Variants in SAMD12 observed in about 807,000 individuals in gnomAD.
SAMD12 encodes the protein sterile alpha motif domain containing 12.
A neutral mutation model predicts 15.0 loss-of-function variants in SAMD12; 9 were observed. The ratio of observed to expected loss-of-function variants is 0.60; its 90% CI spans 0.36 to 1.05. SAMD12 has a LOEUF of 1.05. SAMD12 is among the 50% of genes least tolerant of loss of function. SAMD12 has a pLI of 0.01. For missense variants in SAMD12, 230 were observed against 234.2 expected (o/e 0.98, Z 0.12); for synonymous variants, 86 against 90.1 (o/e 0.96, Z 0.25).
intron 4 of SAMD12, chr8:118,295,600 A>T (rs1303573497): frequency 6.6e-6 from 1 of 152,034 alleles, no homozygotes; most frequent in East Asian, 1.9e-4. Context: ...ATCCTAGCAC[A>T]CAGAAGACTG....
rs113951104 is a variant in SAMD12, at chr8:118,530,606, T to C, written c.192+50109A>G. On this transcript the variant is annotated intron_variant, in intron 2 of 3. Transcript: ENST00000314727. ...CTATAAGCTCTGTATATTAGTTCTTTGTCATATGCATACTTTGCAAGTATT... is the reference window on the plus strand; with the variant it reads ...CTATAAGCTCTGTATATTAGTTCTTCGTCATATGCATACTTTGCAAGTATT... 8.7e-4 allele frequency among the ~76,000 whole-genome samples: 133 copies of C among 152,354 alleles called. 2 individuals carry two copies. Among genetic ancestry groups the C allele is most frequent in the Middle Eastern group, 6.8e-3 (2 of 294 alleles).
intron 4 of SAMD12, among the ~76,000 whole-genome samples, chr8:118,359,547 T>C (rs1818390255): frequency 6.6e-6 from 1 of 152,194 alleles, no homozygotes; most frequent in African/African-American, 2.4e-5. Context: ...TCCCAATGTA[T>C]GCAGTTATAG....
chr8:118,342,759 C>A (rs1817437181), intron 4 of SAMD12, among the ~76,000 whole-genome samples: 1 of 152,104 alleles, frequency 6.6e-6, no homozygotes, highest in Non-Finnish European at 1.5e-5. Flanking sequence ...GTCCCAAGAA[C>A]CTTCATTTTC....
rs568997592 is a variant in SAMD12 at position 118,331,406 on chromosome 8, T to C, written c.433+48154A>G. On this transcript the variant is annotated intron_variant, in intron 4 of 4. Transcript: ENST00000409003. ...TACTGAAAATAGAAAAACACTTGGA[T>C]CTACTGAATATTAACTCTAAGAAGA... Among the ~76,000 whole-genome samples, 56 of 152,302 alleles carry C rather than the reference T, an allele frequency of 3.7e-4. No individual in the cohort carries two copies. In the South Asian group the frequency reaches 8.9e-3, roughly 24 times the overall value.
intron 2 of SAMD12, among the ~76,000 whole-genome samples, chr8:118,478,004 A>AC (rs1824010295): frequency 8.6e-6 from 1 of 116,852 alleles, no homozygotes; most frequent in African/African-American, 3.2e-5. Context: ...ACAGAGCGAG[A>AC]CCCTGTCTCA....
At chr8:118,597,498 C>T (rs1827753007) in intron 1 of SAMD12, among the ~76,000 whole-genome samples, 1 of 152,192 alleles carries the variant, frequency 6.6e-6, no homozygotes, top group East Asian at 1.9e-4. Context: ...ATTTCAGAGA[C>T]AGGATGAGAG....
chr8:118,546,372 A>G (rs1826123621), intron 2 of SAMD12, among the ~76,000 whole-genome samples: 1 of 152,102 alleles, frequency 6.6e-6, no homozygotes, highest in Non-Finnish European at 1.5e-5. Context: ...CACTGAATCC[A>G]ACATTTTTTC....
At chr8:118,521,311 A>G (rs1164939287) in intron 2 of SAMD12, among the ~76,000 whole-genome samples, 2 of 152,068 alleles carry the variant, frequency 1.3e-5, no homozygotes, top group African/African-American at 4.8e-5. Context: ...TGCCATGTCT[A>G]TTTCCTTCAT....
chr8:118,403,068 T>C lies in SAMD12; in HGVS notation c.323-23368A>G, dbSNP rs75966892. ...ACAGCCTGCACTGTGAATTGGGTAC[T>C]AAGCTTCTCTCGTGATTTATCACAT... is the stretch of plus-strand genomic sequence containing the variant. On this transcript the variant is annotated intron_variant, in intron 3 of 3. Coordinates refer to ENST00000314727, the MANE Select transcript of SAMD12 (RefSeq NM_207506.3). Among the ~76,000 whole-genome samples, 282 of 152,334 alleles carry C rather than the reference T, an allele frequency of 1.9e-3. 1 individual carries two copies. Among genetic ancestry groups the C allele is most frequent in the African/African-American group, 6.5e-3 (272 of 41,580 alleles).
At chr8:118,308,029 C>T (rs1242998790) in intron 4 of SAMD12, among the ~76,000 whole-genome samples, 1 of 152,242 alleles carries the variant, frequency 6.6e-6, no homozygotes, top group African/African-American at 2.4e-5. Context: ...TGTTCCCCTT[C>T]TGCTAGAGAG....
At chr8:118,447,771 G>C (rs552507639) in intron 2 of SAMD12, among the ~76,000 whole-genome samples, 28 of 147,890 alleles carry the variant, frequency 1.9e-4, no homozygotes, top group Admixed American at 5.4e-4. Flanking sequence ...TGTTGCCCAA[G>C]CTGGAGTGCA....
At chr8:118,492,459 T>C (rs1410838555) in intron 2 of SAMD12, among the ~76,000 whole-genome samples, 1 of 152,164 alleles carries the variant, frequency 6.6e-6, no homozygotes, top group Non-Finnish European at 1.5e-5. Context: ...TAAATTAACT[T>C]AGAATGGATA....
intron 2 of SAMD12, among the ~76,000 whole-genome samples, chr8:118,527,958 C>A (rs1476322607): frequency 6.6e-6 from 1 of 152,096 alleles, no homozygotes; most frequent in South Asian, 2.1e-4. Context: ...TTCACTGACA[C>A]AATGCTAGAT....
At chr8:118,590,993 A>G (rs1201679722) in intron 1 of SAMD12, among the ~76,000 whole-genome samples, 1 of 152,194 alleles carries the variant, frequency 6.6e-6, no homozygotes, top group Non-Finnish European at 1.5e-5. Context: ...CATAATAAAC[A>G]AAATAAAAAG....
chr8:118,269,717 GACCCCAAT>G (rs2130104238), intron 4 of SAMD12, among the ~76,000 whole-genome samples: 1 of 152,260 alleles, frequency 6.6e-6, no homozygotes, highest in African/African-American at 2.4e-5. Context: ...CTCTTTTATT[GACCCCAAT>G]ACTCTGGTAG....
At chr8:118,500,015 C>T (rs1792766431) in intron 2 of SAMD12, among the ~76,000 whole-genome samples, 1 of 146,168 alleles carries the variant, frequency 6.8e-6, no homozygotes, top group African/African-American at 2.5e-5. Flanking sequence ...GGTCCCCCCA[C>T]ATACATGAAG....
intron 4 of SAMD12, chr8:118,239,877 T>G (rs1812526904): frequency 6.6e-6 from 1 of 152,122 alleles, no homozygotes; most frequent in Non-Finnish European, 1.5e-5. Flanking sequence ...AGATGCCATC[T>G]CCATTACAGC....
At chr8:118,364,555 C>T (rs1818669242) in intron 4 of SAMD12, among the ~76,000 whole-genome samples, 1 of 152,154 alleles carries the variant, frequency 6.6e-6, no homozygotes, top group Non-Finnish European at 1.5e-5. Context: ...GTGCTGTGGG[C>T]TCTGAATCTG....
At chr8:118,215,475 T>C (rs1226350096) in intron 4 of SAMD12, among the ~76,000 whole-genome samples, 1 of 152,172 alleles carries the variant, frequency 6.6e-6, no homozygotes, top group Non-Finnish European at 1.5e-5. Context: ...CTTTTTTTTT[T>C]TATTACACTT....
Sources: allele counts gnomAD v4.1 joint callset (sites outside exome capture counted in the v4.1 genomes callset), GRCh38; gene constraint gnomAD v4.1.1; transcripts MANE v1.5; gene names NCBI Gene and HGNC (gene_info 2026-07-23, HGNC 2026-07-21).